APLF: variants seen among roughly 807,000 people sequenced by gnomAD.
The protein encoded by APLF is aprataxin and PNKP like factor, also known as aprataxin and PNK-like factor.
A neutral mutation model predicts 55.6 loss-of-function variants in APLF; 61 were observed. The observed-to-expected ratio is 1.10, with a 90% CI of 0.89 to 1.36. APLF has a LOEUF of 1.36. Among genes scored for constraint, APLF ranks in the 40% most tolerant of loss-of-function variants. The probability of loss-of-function intolerance (pLI) is 0.00; values close to 1 mark genes in which losing one functional copy is unlikely to be tolerated. For synonymous variants in APLF, 207 were observed against 214.8 expected, an observed-to-expected ratio of 0.96 and a Z score of 0.32; for missense variants, 611 against 602.5, an observed-to-expected ratio of 1.01 and a Z score of -0.15.
At chr2:68,517,108 TATA>T (rs1256550284) in intron 5 of APLF, among the ~76,000 whole-genome samples, 15 of 124,618 alleles carry the variant, frequency 1.2e-4, no homozygotes, top group South Asian at 4.6e-4. Context: ...TATACTAATA[TATA>T]ATAATACGTT....
intron 2 of APLF, 152 bp downstream of exon 2, chr2:68,490,413 C>G: frequency 1.8e-6 from 1 of 543,316 alleles, no homozygotes; most frequent in Middle Eastern, 2.8e-4. Context: ...AGATAAAGAT[C>G]TAAACTGTGA....
chr2:68,533,581 G>A (rs1670315104), intron 6 of APLF, among the ~76,000 whole-genome samples: 1 of 152,112 alleles, frequency 6.6e-6, no homozygotes, highest in African/African-American at 2.4e-5. Flanking sequence ...TTTGGTGTCA[G>A]CTGGGCTTCA....
At chr2:68,548,719 C>T (rs1435318663) in intron 8 of APLF, among the ~76,000 whole-genome samples, 1 of 151,832 alleles carries the variant, frequency 6.6e-6, no homozygotes, top group East Asian at 1.9e-4. Flanking sequence ...TAATTCGTGG[C>T]ACTGTGGTGA....
At position 68,572,838 on chromosome 2, in the gene APLF, C is replaced by CAACAA. The variant is rs67354090; in HGVS notation, c.1334-4962_1334-4958dup. Reference sequence around the variant, plus strand: ...TGGGCAACAGAGCAACACTCTGTCTCAACAAAACAAAACAAAACAAAACAC... The same window carrying CAACAA: ...TGGGCAACAGAGCAACACTCTGTCTCAACAAAACAAAACAAAACAAAACAAAACAC... On this transcript the variant is annotated intron_variant, in intron 9 of 9. Transcript: ENST00000303795. Among the ~76,000 whole-genome samples the CAACAA allele has an allele frequency of 3.9e-4, 60 of 151,980 alleles. 1 individual carries two copies. The highest frequency in any genetic ancestry group is 1.5e-3 in the East Asian group (8 of 5,172).
rs189427378 is a variant in APLF, at chr2:68,528,011, C to G, written c.804+1769C>G. Among the ~76,000 whole-genome samples, 824 of 151,552 alleles carry G rather than the reference C, an allele frequency of 5.4e-3. 4 individuals are homozygous for G. Among genetic ancestry groups the G allele is most frequent in the African/African-American group, 0.019 (787 of 41,238 alleles). ...CTGGGCAGAGGCGCTCGTCACTTCCCAGAGAGGGCGGGGGCTAGGCAGAGG... is the reference window on the plus strand; with the variant it reads ...CTGGGCAGAGGCGCTCGTCACTTCCGAGAGAGGGCGGGGGCTAGGCAGAGG... On this transcript the variant is annotated intron_variant, in intron 6 of 9. Coordinates refer to ENST00000303795, the MANE Select transcript of APLF (RefSeq NM_173545.3).
Position 68,514,213 on chromosome 2 carries a change from T to G in APLF, c.622+533T>G, listed in dbSNP as rs374025025. 2.6e-4 allele frequency among the ~76,000 whole-genome samples: 40 copies of G among 151,870 alleles called. 1 individual carries two copies. Among genetic ancestry groups the G allele is most frequent in the African/African-American group, 9.4e-4 (39 of 41,500 alleles). On this transcript the variant is annotated intron_variant, in intron 5 of 9. Transcript: ENST00000303795. ...TTTATTCAATCATTTGGTGTATTTT[T>G]CTATAAGTCTTTGATCATATTTATA...
chr2:68,479,557 A>T (rs1675886005), intron 1 of APLF, among the ~76,000 whole-genome samples: 1 of 152,258 alleles, frequency 6.6e-6, no homozygotes, highest in South Asian at 2.1e-4. Context: ...ATGTAGAAGC[A>T]GCAGTGCCAG....
chr2:68,495,692 G>T (rs1190855611), intron 2 of APLF, among the ~76,000 whole-genome samples: 1 of 152,234 alleles, frequency 6.6e-6, no homozygotes, highest in Admixed American at 6.5e-5. Flanking sequence ...AAGTTCTCTT[G>T]TAAGGGATTT....
chr2:68,568,614 T>G (rs1364762332), intron 9 of APLF, among the ~76,000 whole-genome samples: 3 of 152,132 alleles, frequency 2.0e-5, no homozygotes, highest in African/African-American at 7.2e-5. Context: ...TGTTGACAAA[T>G]TATAGCATTG....
intron 6 of APLF, among the ~76,000 whole-genome samples, chr2:68,530,840 C>T (rs1240670918): frequency 6.6e-6 from 1 of 151,872 alleles, no homozygotes; most frequent in Non-Finnish European, 1.5e-5. Context: ...GAATTGAAAC[C>T]ATCTATATTC....
chr2:68,467,786 G>T lies in APLF; in HGVS notation c.55G>T (p.Ala19Ser). 8.1e-7 allele frequency: 1 copy of T among 1,234,286 alleles called. No homozygotes were observed. 76.5% of individuals were successfully genotyped at this position (1,234,286 alleles called of 1,614,324 possible). ...GGACGGCGGTCCCCGGGTGGCCCTG[G>T]CGCCCGGGGAGACGGTGATCGGCCG... ...PRDGGPRVAL[A>S]PGETVIGRGP... The change falls in exon 1 of 10, where the codon GCG becomes TCG. Residue 19 changes from alanine (A) to serine (S), a missense_variant. Ala to Ser is a moderately conservative substitution (Grantham distance 99). Transcript: ENST00000303795.
intron 9 of APLF, among the ~76,000 whole-genome samples, chr2:68,571,411 G>A (rs1671460488): frequency 6.6e-6 from 1 of 151,944 alleles, no homozygotes. Context: ...TTTCTTCTAG[G>A]GTTTTTATGG....
chr2:68,517,043 A>T (rs1403142749), intron 5 of APLF, among the ~76,000 whole-genome samples: 1 of 124,144 alleles, frequency 8.1e-6, no homozygotes, highest in Non-Finnish European at 1.6e-5. Flanking sequence ...ATAATATATA[A>T]TAACATGTTA....
intron 9 of APLF, among the ~76,000 whole-genome samples, chr2:68,569,612 G>A (rs1488839324): frequency 6.6e-6 from 1 of 151,844 alleles, no homozygotes; most frequent in African/African-American, 2.4e-5. Context: ...ATAATGATGA[G>A]CCAATATTTT....
At chr2:68,468,902 A>T (rs1034684578) in intron 1 of APLF, among the ~76,000 whole-genome samples, 2 of 151,994 alleles carry the variant, frequency 1.3e-5, no homozygotes, top group Admixed American at 1.3e-4. Context: ...GTCTAAATGG[A>T]ACCATTGGTA....
At chr2:68,540,207 G>T (rs1670509347) in intron 7 of APLF, among the ~76,000 whole-genome samples, 1 of 151,384 alleles carries the variant, frequency 6.6e-6, no homozygotes, top group Non-Finnish European at 1.5e-5. Flanking sequence ...TCCCCTCCCT[G>T]TGTCCATGTG....
At chr2:68,570,276 C>CT (rs765062097) in intron 9 of APLF, among the ~76,000 whole-genome samples, 41 of 128,210 alleles carry the variant, frequency 3.2e-4, no homozygotes, top group African/African-American at 5.0e-4. Flanking sequence ...TTGTTTTATT[C>CT]TTTTTTTTTT....
At chr2:68,510,686 G>T (rs1206763338) in intron 3 of APLF, among the ~76,000 whole-genome samples, 1 of 151,710 alleles carries the variant, frequency 6.6e-6, no homozygotes, top group African/African-American at 2.4e-5. Flanking sequence ...ATACCCAAAA[G>T]AATTGAAAAC....
intron 6 of APLF, among the ~76,000 whole-genome samples, chr2:68,530,117 G>C (rs1375284024): frequency 6.6e-6 from 1 of 152,230 alleles, no homozygotes; most frequent in African/African-American, 2.4e-5. Flanking sequence ...AAATTTGCCT[G>C]AGACCATTCC....
Sources: gnomAD v4.1 joint callset for allele counts (sites outside exome capture counted in the v4.1 genomes callset) on GRCh38, gnomAD v4.1.1 for gene constraint, MANE v1.5 for transcripts, NCBI Gene and HGNC (gene_info 2026-07-23, HGNC 2026-07-21) for gene names.